The following FHAD1 variants were observed in gnomAD, a reference collection of about 807,000 sequenced individuals.
The protein encoded by FHAD1 is forkhead-associated domain-containing protein 1.
Under a neutral mutation model 191.3 loss-of-function variants are expected in FHAD1, and 146 were observed. The observed-to-expected ratio is 0.76, with a 90% CI of 0.67 to 0.88. The LOEUF (loss-of-function observed/expected upper bound fraction) is 0.88, where lower values mean the gene tolerates loss of function less well. Among genes scored for constraint, FHAD1 ranks in the 40% least tolerant of loss-of-function variants. The pLI is 0.00. For synonymous variants in FHAD1, 616 were observed against 672.3 expected (o/e 0.92, Z 1.29); for missense variants, 1,635 against 1,785.8 (o/e 0.92, Z 1.52).
intron 3 of FHAD1, among the ~76,000 whole-genome samples, chr1:15,282,500 G>A (rs763470765): frequency 2.6e-5 from 4 of 152,174 alleles, no homozygotes; most frequent in East Asian, 3.8e-4. Context: ...GTTTCCAACC[G>A]GAATACTGGT....
intron 21 of FHAD1, among the ~76,000 whole-genome samples, chr1:15,359,188 G>T (rs1415478736): frequency 1.3e-5 from 2 of 152,182 alleles, no homozygotes; most frequent in Non-Finnish European, 2.9e-5. Flanking sequence ...GGAGACAAGA[G>T]GAGTAAGGCG....
intron 9 of FHAD1, among the ~76,000 whole-genome samples, chr1:15,317,179 A>C (rs1674722385): frequency 6.6e-6 from 1 of 152,220 alleles, no homozygotes; most frequent in Non-Finnish European, 1.5e-5. Context: ...CAACAGAGCG[A>C]GACTCTGTCT....
chr1:15,270,598 G>A (rs1655489525), intron 2 of FHAD1, among the ~76,000 whole-genome samples: 1 of 152,124 alleles, frequency 6.6e-6, no homozygotes, highest in Non-Finnish European at 1.5e-5. Context: ...ATTAATATAA[G>A]CTCTAGGTTG....
rs559183822 is a variant in FHAD1 at position 15,390,149 on chromosome 1, C to G, written c.4270-1061C>G. ...TCACTTGAGGTCAGGAGTTCCAGAC[C>G]AGCCTGGCCAACATGGTGAAACCTC... On this transcript the variant is annotated intron_variant, in intron 32 of 33. Coordinates refer to ENST00000688493, the MANE Select transcript of FHAD1 (RefSeq NM_001391957.1). Among the ~76,000 whole-genome samples, 3 of 152,170 alleles carry G rather than the reference C, an allele frequency of 2.0e-5. No individual in the cohort carries two copies. In the East Asian group the frequency reaches 5.8e-4, roughly 29 times the overall value.
In FHAD1 at chr1:15,349,084, G is replaced by A. The variant is rs922831877; in HGVS notation, c.2389G>A (p.Glu797Lys). 4.5e-6 allele frequency: 7 copies of A among 1,551,704 alleles called. No homozygotes were observed. In the South Asian group the frequency reaches 8.3e-5, roughly 18 times the overall value. ...AGCCCATGAAAAAAGAAAAGCAAAG[G>A]AAGCCTTGGAGTCGGAAAAGAGAAA... is the stretch of plus-strand genomic sequence containing the variant. ...SIAHEKRKAK[E>K]ALESEKRKVQ... is the part of the protein sequence containing the mutation. Residue 797 changes from glutamate to lysine, a missense_variant, in exon 19 of 34, where the codon GAA (glutamate) becomes AAA (lysine). By Grantham distance (56) the Glu-to-Lys change is moderately conservative. Coordinates refer to ENST00000688493, the MANE Select transcript of FHAD1 (RefSeq NM_001391957.1).
intron 22 of FHAD1, 133 bp from the exon 23 acceptor site, chr1:15,362,509 G>A (rs901518804): frequency 8.7e-5 from 61 of 699,524 alleles, no homozygotes; most frequent in Non-Finnish European, 1.3e-4. Flanking sequence ...CATGGCACAC[G>A]TGCAGGTCTC....
chr1:15,288,792 G>A (rs541379183), intron 3 of FHAD1, among the ~76,000 whole-genome samples: 3 of 152,296 alleles, frequency 2.0e-5, no homozygotes, highest in East Asian at 3.9e-4. Flanking sequence ...TGTGTCCTCC[G>A]AGTGTTGATA....
At position 15,251,292 on chromosome 1, in the gene FHAD1, AAACC is replaced by A. The variant is rs1646747438; in HGVS notation, c.-14-477_-14-474del. Reference sequence around the variant, plus strand: ...CTGTCTCAAAAAAAAAAAACAAAAAAAACCACCCATTTTATAGATGAGGAAACTG... The same window carrying A: ...CTGTCTCAAAAAAAAAAAACAAAAAAACCCATTTTATAGATGAGGAAACTG... On this transcript the variant is annotated intron_variant, in intron 1 of 33. Coordinates refer to ENST00000688493, the MANE Select transcript of FHAD1 (RefSeq NM_001391957.1). Among the ~76,000 whole-genome samples the A allele has an allele frequency of 4.5e-5, 5 of 110,778 alleles. 1 individual carries two copies. Among genetic ancestry groups the A allele is most frequent in the African/African-American group, 2.4e-4 (5 of 21,148 alleles). 72.7% of individuals were successfully genotyped at this position (110,778 alleles called of 152,430 possible).
intron 3 of FHAD1, among the ~76,000 whole-genome samples, chr1:15,279,446 C>CCT (rs1276112328): frequency 9.4e-6 from 1 of 106,306 alleles, no homozygotes; most frequent in African/African-American, 3.6e-5. Flanking sequence ...GTTAGGGTTA[C>CCT]CTCTCTCGGC....
At chr1:15,297,162 C>T (rs939303438) in intron 5 of FHAD1, among the ~76,000 whole-genome samples, 6 of 152,206 alleles carry the variant, frequency 3.9e-5, no homozygotes, top group Admixed American at 2.6e-4. Flanking sequence ...TTGAGATTCA[C>T]ACCCAGGTCT....
chr1:15,395,936 C>G (rs1366572952), intron 33 of FHAD1, among the ~76,000 whole-genome samples: 1 of 152,132 alleles, frequency 6.6e-6, no homozygotes, highest in African/African-American at 2.4e-5. Context: ...TAGACACATT[C>G]AAGTCAGTAA....
intron 7 of FHAD1, among the ~76,000 whole-genome samples, chr1:15,310,823 A>C (rs146530014): frequency 5.3e-5 from 8 of 152,274 alleles, no homozygotes; most frequent in Non-Finnish European, 1.0e-4. Flanking sequence ...ATCATGGGTC[A>C]GTAGGGGCTT....
chr1:15,380,929 C>A, intron 29 of FHAD1, 133 bp downstream of exon 29: 1 of 679,866 alleles, frequency 1.5e-6, no homozygotes. Flanking sequence ...CAGGACCTAC[C>A]TACTATCCCA....
At chr1:15,303,621 A>C (rs1241329764) in intron 6 of FHAD1, among the ~76,000 whole-genome samples, 3 of 152,214 alleles carry the variant, frequency 2.0e-5, no homozygotes, top group African/African-American at 7.2e-5. Flanking sequence ...AGGCCAAGGC[A>C]GGCGGATCAC....
At chr1:15,372,959 TG>T (rs1185742526) in intron 26 of FHAD1, among the ~76,000 whole-genome samples, 1 of 152,218 alleles carries the variant, frequency 6.6e-6, no homozygotes, top group African/African-American at 2.4e-5. Context: ...ACAGGGATGT[TG>T]CTGGGTTTAG....
intron 4 of FHAD1, among the ~76,000 whole-genome samples, chr1:15,293,612 G>A (rs1280874751): frequency 1.3e-5 from 2 of 152,190 alleles, no homozygotes; most frequent in South Asian, 2.1e-4. Flanking sequence ...CAGCTACTCA[G>A]GAGGCTGAGG....
At chr1:15,373,550 C>T (rs1456110283) in intron 26 of FHAD1, among the ~76,000 whole-genome samples, 2 of 151,536 alleles carry the variant, frequency 1.3e-5, no homozygotes, top group Non-Finnish European at 2.9e-5. Context: ...TTTGTCTGTG[C>T]TCTTAGTAAA....
At position 15,360,677 on chromosome 1, in the gene FHAD1, T is replaced by A; in HGVS notation, c.2936T>A (p.Ile979Asn). 1 of 1,551,242 alleles carries A rather than the reference T, an allele frequency of 6.4e-7. No individual in the cohort carries two copies. Among genetic ancestry groups the A allele is most frequent in the Non-Finnish European group, 8.7e-7 (1 of 1,146,698 alleles). Residue 979 changes from isoleucine (I) to asparagine (N), a missense_variant, in exon 22 of 34, where the codon ATT (isoleucine) becomes AAT (asparagine). Ile to Asn is a moderately radical substitution (Grantham distance 149, BLOSUM62 -3). Coordinates refer to ENST00000688493, the MANE Select transcript of FHAD1 (RefSeq NM_001391957.1). ...TQHHKKIEGE[I>N]ATLKDNDPAP... ...CACCATAAAAAAATAGAAGGCGAGA[T>A]TGCAACATTGAAGGACAATGACCCA...
At chr1:15,372,271 G>A (rs1698319887) in intron 26 of FHAD1, among the ~76,000 whole-genome samples, 1 of 152,104 alleles carries the variant, frequency 6.6e-6, no homozygotes, top group African/African-American at 2.4e-5. Flanking sequence ...GGCCTCAGAC[G>A]GCACTGTTGA....
Sources: gnomAD v4.1 joint callset for allele counts (sites outside exome capture counted in the v4.1 genomes callset) on GRCh38, gnomAD v4.1.1 for gene constraint, MANE v1.5 for transcripts, NCBI Gene and HGNC (gene_info 2026-07-23, HGNC 2026-07-21) for gene names.